CUTC: variants seen among roughly 807,000 people sequenced by gnomAD.
The protein encoded by CUTC is copper homeostasis protein cutC homolog.
In CUTC, 27 loss-of-function variants were observed where a neutral mutation model predicts 36.2. That is an observed-to-expected ratio of 0.75 (90% CI 0.55 to 1.03). The LOEUF (loss-of-function observed/expected upper bound fraction) is 1.03, where lower values mean the gene tolerates loss of function less well. Ranked by LOEUF, CUTC falls within the 50% of genes least tolerant of loss-of-function variation. The probability of loss-of-function intolerance (pLI) is 0.00; values close to 1 mark genes in which losing one functional copy is unlikely to be tolerated. For synonymous variants in CUTC, 114 were observed against 118.3 expected (o/e 0.96, Z 0.24); for missense variants, 315 against 343.5 (o/e 0.92, Z 0.66).
At chr10:99,733,173 G>A (rs552172421) in intron 1 of CUTC, among the ~76,000 whole-genome samples, 13 of 152,266 alleles carry the variant, frequency 8.5e-5, no homozygotes, top group South Asian at 2.1e-4. Context: ...GCTGGGCATG[G>A]TGGCAGGCGC....
At chr10:99,750,310 A>C (rs1350019395) in intron 6 of CUTC, 59 bp from the exon 7 acceptor site, 7 of 1,315,352 alleles carry the variant, frequency 5.3e-6, no homozygotes, top group Admixed American at 2.0e-5. Flanking sequence ...TCACTGCCTT[A>C]TTATCCCATT....
rs1195131072 is a variant in CUTC, at chr10:99,739,758, C to T, written c.182C>T (p.Thr61Ile). ...TCTGGTTTATCAGAGGGGGGAACTA[C>T]ACCCAGCATGGGTAAGTGTCCATTT... Reference protein sequence around the residue: ...LCSGLSEGGTTPSMGVLQVVK... With the variant: ...LCSGLSEGGTIPSMGVLQVVK... Residue 61 changes from threonine (T) to isoleucine (I), a missense_variant, in exon 3 of 9, where the codon ACA (threonine) becomes ATA (isoleucine). By Grantham distance (89) the Thr-to-Ile change is moderately conservative. Transcript: ENST00000370476. The T allele has an allele frequency of 2.5e-6, 4 of 1,610,256 alleles. No individual in the cohort carries two copies. The East Asian group carries it at 6.7e-5, about 27-fold the overall frequency.
At chr10:99,746,367 G>C (rs904578810) in intron 5 of CUTC, among the ~76,000 whole-genome samples, 2 of 152,088 alleles carry the variant, frequency 1.3e-5, no homozygotes, top group African/African-American at 4.8e-5. Flanking sequence ...TCCGAGGGTG[G>C]AGGGTGGGAG....
Position 99,747,399 on chromosome 10 carries a change from A to G in CUTC, c.573+9A>G. ...AGCGACTCATTGAGCAGGTACGTGG[A>G]CTTTATCTTTTTTTCCCCTAAGACT... On this transcript the variant is annotated intron_variant, in intron 6 of 8. Transcript: ENST00000370476. The G allele has an allele frequency of 4.3e-6, 7 of 1,613,830 alleles. No homozygotes were observed. The highest frequency in any genetic ancestry group is 1.3e-5 in the African/African-American group (1 of 75,004).
chr10:99,750,289 T>A, intron 6 of CUTC, 80 bp from the exon 7 acceptor site: 1 of 1,010,238 alleles, frequency 9.9e-7, no homozygotes, highest in South Asian at 1.6e-5. Flanking sequence ...TTCTGACTTA[T>A]GTTTCTATTC....
rs1394541214 is a variant in CUTC at position 99,732,395 on chromosome 10, C to T, written c.47C>T (p.Pro16Leu). The stretch of plus-strand genomic sequence containing the variant: ...TCTGAGCGAAAACGAGCGCGGATAC[C>T]GTCCGGGAAGGCCGGTGCGGAAGGT... ...ASSERKRARIPSGKAGAANGF... is the reference protein window; with the variant it reads ...ASSERKRARILSGKAGAANGF... The change falls in exon 1 of 9, where the codon CCG becomes CTG. Residue 16 changes from proline to leucine, a missense_variant. By Grantham distance (98) the Pro-to-Leu change is moderately conservative (BLOSUM62 -3). Coordinates refer to ENST00000370476, the MANE Select transcript of CUTC (RefSeq NM_015960.3). The T allele has an allele frequency of 1.9e-6, 3 of 1,552,316 alleles. No homozygotes were observed. Among genetic ancestry groups the T allele is most frequent in the Non-Finnish European group, 2.6e-6 (3 of 1,147,810 alleles).
At chr10:99,747,425 C>T (rs1564657269) in intron 6 of CUTC, 35 bp downstream of exon 6, 2 of 1,612,728 alleles carry the variant, frequency 1.2e-6, no homozygotes, top group Non-Finnish European at 8.5e-7. Context: ...CCCTAAGACT[C>T]TGTTGTGGTT....
rs1041665744 is a variant in CUTC, at chr10:99,736,190, A to G, written c.62-56A>G. The G allele has an allele frequency of 4.1e-6, 6 of 1,459,820 alleles. No individual in the cohort carries two copies. The East Asian group carries it at 6.8e-5, about 17-fold the overall frequency. 90.4% of individuals were successfully genotyped at this position (1,459,820 alleles called of 1,614,324 possible). A position where few individuals can be genotyped will look rare whatever the true frequency, so the allele number is the denominator to read the frequency against. On this transcript the variant is annotated intron_variant, in intron 1 of 8. Transcript: ENST00000370476. ...GCAGAATGTAAACCCTTTGTGGTAAATTGGTCTGGATGGATAGAACCTTTA... is the reference window on the plus strand; with the variant it reads ...GCAGAATGTAAACCCTTTGTGGTAAGTTGGTCTGGATGGATAGAACCTTTA...
chr10:99,754,656 C>A, intron 8 of CUTC, 22 bp downstream of exon 8: 4 of 1,518,464 alleles, frequency 2.6e-6, no homozygotes, highest in South Asian at 2.3e-5. Context: ...TTCTTCGATT[C>A]AAATAAGAAG....
At chr10:99,750,343 A>G (rs767610649) in intron 6 of CUTC, 26 bp from the exon 7 acceptor site, 1 of 1,544,642 alleles carries the variant, frequency 6.5e-7, no homozygotes, top group East Asian at 2.3e-5. Flanking sequence ...ATTAAAATTC[A>G]CTTGTTTTTT....
intron 6 of CUTC, among the ~76,000 whole-genome samples, chr10:99,748,992 G>A (rs2037398999): frequency 6.6e-6 from 1 of 152,116 alleles, no homozygotes; most frequent in Non-Finnish European, 1.5e-5. Context: ...AAATAGAAGA[G>A]TTGATGAGTC....
intron 5 of CUTC, 78 bp downstream of exon 5, chr10:99,744,150 G>C: frequency 1.7e-6 from 2 of 1,175,722 alleles, no homozygotes; most frequent in South Asian, 2.5e-5. Context: ...ACCTTTTTAT[G>C]GAACACAATT....
chr10:99,736,394 A>C, intron 2 of CUTC, 77 bp downstream of exon 2: 171 of 1,079,966 alleles, frequency 1.6e-4, no homozygotes, highest in Non-Finnish European at 2.2e-4. Context: ...TGCTTATCTC[A>C]GAAGCCCTTG....
intron 3 of CUTC, 28 bp downstream of exon 3, chr10:99,739,797 T>A (rs1419960064): frequency 1.3e-6 from 2 of 1,595,796 alleles, no homozygotes; most frequent in South Asian, 2.3e-5. Flanking sequence ...CCAGGTTTTC[T>A]GATTGGAGTT....
Position 99,732,386 on chromosome 10 carries a change from C to G in CUTC, c.38C>G (p.Ala13Gly). 1 of 1,552,874 alleles carries G rather than the reference C, an allele frequency of 6.4e-7. No homozygotes were observed. The change falls in exon 1 of 9, where the codon GCG becomes GGG. Residue 13 changes from alanine (A) to glycine (G), a missense_variant. Ala to Gly is a moderately conservative substitution (Grantham distance 60). Coordinates refer to ENST00000370476, the MANE Select transcript of CUTC (RefSeq NM_015960.3). Reference protein sequence around the residue: ...RQGASSERKRARIPSGKAGAA... With the variant: ...RQGASSERKRGRIPSGKAGAA... ...GGGGCCTCCTCTGAGCGAAAACGAG[C>G]GCGGATACCGTCCGGGAAGGCCGGT...
In CUTC at chr10:99,747,335, G is replaced by C; in HGVS notation, c.518G>C (p.Gly173Ala). 2 of 1,614,176 alleles carry C rather than the reference G, an allele frequency of 1.2e-6. No homozygotes were observed. Among genetic ancestry groups the C allele is most frequent in the Non-Finnish European group, 1.7e-6 (2 of 1,180,002 alleles). ...TLGFERVLTS[G>A]CDSSALEGLP... The stretch of plus-strand genomic sequence containing the variant: ...GGATTTGAACGCGTGTTGACCAGTG[G>C]ATGTGACAGTTCAGCATTAGAAGGG... The change falls in exon 6 of 9, where the codon GGA becomes GCA. Residue 173 changes from glycine to alanine, a missense_variant. Physicochemically the swap from Gly to Ala is moderately conservative, Grantham distance 60 (BLOSUM62 0). Coordinates refer to ENST00000370476, the MANE Select transcript of CUTC (RefSeq NM_015960.3).
chr10:99,736,831 C>T (rs753875086), intron 2 of CUTC, among the ~76,000 whole-genome samples: 9 of 152,184 alleles, frequency 5.9e-5, no homozygotes, highest in Non-Finnish European at 1.2e-4. Flanking sequence ...CACTCATCTT[C>T]ACCCATTTTC....
chr10:99,732,322 G>C lies in CUTC; in HGVS notation c.-27G>C. Reference sequence around the variant, plus strand: ...GCCCAAATTCCAAGTGGAAACTGCAGGCGCACGAGGGAGGAACGCGTGGAG... The same window carrying C: ...GCCCAAATTCCAAGTGGAAACTGCACGCGCACGAGGGAGGAACGCGTGGAG... On this transcript the variant is annotated 5_prime_UTR_variant, in exon 1 of 9. Coordinates refer to ENST00000370476, the MANE Select transcript of CUTC (RefSeq NM_015960.3). 6.4e-7 allele frequency: 1 copy of C among 1,551,092 alleles called. No homozygotes were observed. Among genetic ancestry groups the C allele is most frequent in the Non-Finnish European group, 8.7e-7 (1 of 1,146,968 alleles).
chr10:99,735,008 A>G (rs886170954), intron 1 of CUTC, among the ~76,000 whole-genome samples: 1 of 149,182 alleles, frequency 6.7e-6, no homozygotes, highest in African/African-American at 2.5e-5. Flanking sequence ...AGGCTGAGGC[A>G]CAAGAATTGC....
Sources: gnomAD v4.1 joint callset for allele counts (sites outside exome capture counted in the v4.1 genomes callset) on GRCh38, gnomAD v4.1.1 for gene constraint, MANE v1.5 for transcripts, NCBI Gene and HGNC (gene_info 2026-07-23, HGNC 2026-07-21) for gene names.